MYL4: variants seen among roughly 807,000 people sequenced by gnomAD.
MYL4 encodes atrial myosin light chain 1.
MYL4 carries 16 observed loss-of-function variants against 21.6 expected under a neutral mutation model. That is an observed-to-expected ratio of 0.74 (90% CI 0.50 to 1.12). MYL4 has a LOEUF of 1.12. MYL4 is among the 50% of genes most tolerant of loss of function. The pLI, the probability that MYL4 is intolerant of heterozygous loss-of-function variation, is 0.00. For missense variants in MYL4, 249 were observed against 252.9 expected, an observed-to-expected ratio of 0.98 and a Z score of 0.11; for synonymous variants, 82 against 95.7, an observed-to-expected ratio of 0.86 and a Z score of 0.83.
upstream of MYL4, among the ~76,000 whole-genome samples, chr17:47,198,918 C>T (rs1451207019): frequency 1.3e-5 from 2 of 150,672 alleles, no homozygotes; most frequent in East Asian, 2.0e-4. Context: ...CCTAGAAGTT[C>T]GAAGTTGCAG....
At position 47,220,036 on chromosome 17, in the gene MYL4, G is replaced by A; in HGVS notation, c.296G>A (p.Gly99Asp). 3.1e-6 allele frequency: 5 copies of A among 1,613,554 alleles called. No individual in the cohort carries two copies. Among genetic ancestry groups the A allele is most frequent in the Non-Finnish European group, 4.2e-6 (5 of 1,179,680 alleles). ...AATGCCGAGGTGCTGCGTGTGCTGG[G>A]CAAGCCCAAGCCTGAAGGTCAGTGC... ...PTNAEVLRVL[G>D]KPKPEEMNVK... Residue 99 changes from glycine (G) to aspartate (D), a missense_variant, in exon 3 of 7, where the codon GGC becomes GAC. Physicochemically the swap from Gly to Asp is moderately conservative, Grantham distance 94. Coordinates refer to ENST00000393450, the MANE Select transcript of MYL4 (RefSeq NM_002476.2).
chr17:47,213,658 A>G, intron 1 of MYL4, 141 bp from the exon 2 acceptor site: 1 of 821,880 alleles, frequency 1.2e-6, no homozygotes, highest in Non-Finnish European at 2.1e-6. Context: ...CCTTAGCACA[A>G]GTCACCTTCC....
upstream of MYL4, among the ~76,000 whole-genome samples, chr17:47,207,178 G>A (rs746732333): frequency 1.4e-4 from 22 of 152,160 alleles, no homozygotes; most frequent in Non-Finnish European, 2.8e-4. Context: ...CCCTGGTCTC[G>A]TTCTAGTATT....
upstream of MYL4, among the ~76,000 whole-genome samples, chr17:47,208,141 G>A (rs546355873): frequency 4.9e-4 from 74 of 152,302 alleles, no homozygotes; most frequent in African/African-American, 1.5e-3. Flanking sequence ...CTGGCCTGGC[G>A]TGGCGGCTTA....
At chr17:47,214,092 G>A (rs1713198928) in intron 2 of MYL4, among the ~76,000 whole-genome samples, 1 of 152,214 alleles carries the variant, frequency 6.6e-6, no homozygotes, top group Non-Finnish European at 1.5e-5. Flanking sequence ...GACACATAGA[G>A]ATTGGGTGAC....
At chr17:47,198,249 ATTC>A (rs2064696832), upstream of MYL4, among the ~76,000 whole-genome samples, 1 of 152,228 alleles carries the variant, frequency 6.6e-6, no homozygotes, top group Non-Finnish European at 1.5e-5. Context: ...AATGAGAAAT[ATTC>A]TTATCCAATT....
chr17:47,213,345 C>T (rs763828409), intron 1 of MYL4, among the ~76,000 whole-genome samples: 14 of 152,040 alleles, frequency 9.2e-5, no homozygotes, highest in Non-Finnish European at 1.6e-4. Flanking sequence ...TTCCAGGACC[C>T]CCACGGATAC....
intron 1 of MYL4, 196 bp downstream of exon 1, chr17:47,209,753 C>T (rs747391760): frequency 1.8e-5 from 14 of 759,752 alleles, no homozygotes; most frequent in Admixed American, 7.3e-5. Context: ...AAACCTTTTC[C>T]GTCAAGAATG....
At chr17:47,205,470 G>A (rs562753138), upstream of MYL4, among the ~76,000 whole-genome samples, 6 of 152,322 alleles carry the variant, frequency 3.9e-5, no homozygotes, top group East Asian at 1.9e-4. Context: ...ACCATAAGAC[G>A]ATGGAAGCTC....
chr17:47,201,076 G>T (rs111298531), intron 1 of MYL4, among the ~76,000 whole-genome samples: 1,867 of 152,300 alleles, frequency 0.012, 48 homozygotes, highest in African/African-American at 0.043. Flanking sequence ...GGAGGCTGAG[G>T]CAGAAGAATC....
chr17:47,206,062 T>A (rs1567743110), upstream of MYL4, among the ~76,000 whole-genome samples: 1 of 152,198 alleles, frequency 6.6e-6, no homozygotes, highest in Non-Finnish European at 1.5e-5. Flanking sequence ...TGCAGTGCCT[T>A]ACTTAACATT....
chr17:47,226,348 G>A (rs1038340397), downstream of MYL4, among the ~76,000 whole-genome samples: 1 of 152,222 alleles, frequency 6.6e-6, no homozygotes, highest in Non-Finnish European at 1.5e-5. Flanking sequence ...AGGAAAAGGT[G>A]CCCCAAGGTT....
chr17:47,194,153 G>T, the MYL4 span, among the ~76,000 whole-genome samples: 3 of 152,220 alleles, frequency 2.0e-5, 1 homozygote, highest in Non-Finnish European at 1.5e-5. Flanking sequence ...ATGACTAACT[G>T]CCAAGAGGAC....
the MYL4 span, among the ~76,000 whole-genome samples, chr17:47,195,388 C>A: frequency 6.6e-6 from 1 of 152,158 alleles, no homozygotes; most frequent in Non-Finnish European, 1.5e-5. Flanking sequence ...GACCACCATG[C>A]CCAGCTAATT....
chr17:47,212,170 C>T (rs773181751), intron 1 of MYL4, among the ~76,000 whole-genome samples: 6 of 152,058 alleles, frequency 3.9e-5, no homozygotes, highest in Non-Finnish European at 8.8e-5. Flanking sequence ...GAGCCAAGAT[C>T]ACACCATTGC....
intron 3 of MYL4, among the ~76,000 whole-genome samples, chr17:47,220,499 T>C (rs1256444755): frequency 6.6e-6 from 1 of 152,252 alleles, no homozygotes. Context: ...AGTACTGACG[T>C]TTGCAAATTG....
chr17:47,196,926 TGTTTC>T, upstream of MYL4, among the ~76,000 whole-genome samples: 1 of 152,024 alleles, frequency 6.6e-6, no homozygotes, highest in East Asian at 1.9e-4. Flanking sequence ...ATTTCGCTCT[TGTTTC>T]GTTAAAATAT....
rs752046263 is a variant in MYL4, at chr17:47,219,959, C to G, written c.219C>G (p.Ile73Met). The change falls in exon 3 of 7, where the codon ATC becomes ATG. Residue 73 changes from isoleucine (I) to methionine (M), a missense_variant. Physicochemically the swap from Ile to Met is conservative, Grantham distance 10 (BLOSUM62 1). Transcript: ENST00000393450. ...FDRTPTGEMK[I>M]TYGQCGDVLR... ...GGACCCCGACTGGAGAGATGAAGAT[C>G]ACCTACGGCCAGTGCGGGGATGTAC... 3.1e-6 allele frequency: 5 copies of G among 1,614,108 alleles called. No homozygotes were observed. The highest frequency in any genetic ancestry group is 4.2e-6 in the Non-Finnish European group (5 of 1,180,052).
At chr17:47,207,673 T>C (rs766544584), upstream of MYL4, among the ~76,000 whole-genome samples, 2 of 152,244 alleles carry the variant, frequency 1.3e-5, no homozygotes, top group East Asian at 1.9e-4. Flanking sequence ...CTCTGAACTG[T>C]AGAGTCTAAA....
Sources: allele counts gnomAD v4.1 joint callset (sites outside exome capture counted in the v4.1 genomes callset), GRCh38; gene constraint gnomAD v4.1.1; transcripts MANE v1.5; gene names NCBI Gene and HGNC (gene_info 2026-07-23, HGNC 2026-07-21).